Variants in CDH18 observed in about 807,000 individuals in gnomAD.
CDH18 encodes the protein cadherin 18.
Under a neutral mutation model 67.9 loss-of-function variants are expected in CDH18, and 31 were observed. The ratio of observed to expected loss-of-function variants is 0.46; its 90% CI spans 0.34 to 0.62. The LOEUF is 0.62. Among genes scored for constraint, CDH18 ranks in the 20% least tolerant of loss-of-function variants. The pLI is 0.01. For synonymous variants in CDH18, 362 were observed against 347.2 expected, an observed-to-expected ratio of 1.04 and a Z score of -0.48; for missense variants, 890 against 975.5, an observed-to-expected ratio of 0.91 and a Z score of 1.17.
chr5:20,231,459 G>A (rs1204076508), intron 2 of CDH18, among the ~76,000 whole-genome samples: 4 of 151,898 alleles, frequency 2.6e-5, no homozygotes, highest in African/African-American at 9.7e-5. Context: ...AAATTAGCAG[G>A]GTGGGGTGGC....
chr5:20,178,288 A>G (rs889849448), intron 2 of CDH18, among the ~76,000 whole-genome samples: 18 of 152,158 alleles, frequency 1.2e-4, no homozygotes, highest in African/African-American at 4.3e-4. Context: ...CTCAGCCTCG[A>G]CAATCACATA....
At chr5:19,965,925 A>C (rs879723984) in intron 2 of CDH18, among the ~76,000 whole-genome samples, 12 of 152,210 alleles carry the variant, frequency 7.9e-5, no homozygotes, top group Non-Finnish European at 1.6e-4. Flanking sequence ...GTGTGCATGC[A>C]GTACAACAGA....
rs114927227 is a variant in CDH18 at position 19,958,786 on chromosome 5, T to C, written c.-257+22274A>G. Among the ~76,000 whole-genome samples the C allele has an allele frequency of 6.9e-3, 1,056 of 152,088 alleles. 16 individuals carry two copies. The highest frequency in any genetic ancestry group is 0.024 in the African/African-American group (1,007 of 41,474). ...AAGTAACAAACGAGACATGAGAACA[T>C]GTGTGATGTTCCGTGTTGCATCGCA... On this transcript the variant is annotated intron_variant, in intron 2 of 12. Transcript: ENST00000382275.
chr5:19,928,964 T>A (rs939960763), intron 2 of CDH18, among the ~76,000 whole-genome samples: 2 of 144,898 alleles, frequency 1.4e-5, no homozygotes, highest in African/African-American at 4.9e-5. Flanking sequence ...TTTTATTTTA[T>A]TGTTTTTCAG....
intron 3 of CDH18, among the ~76,000 whole-genome samples, chr5:19,781,358 CA>C (rs569621512): frequency 0.035 from 5,227 of 148,966 alleles, 233 homozygotes; most frequent in African/African-American, 0.11. Context: ...CATGTAAGTA[CA>C]AAAAAAAATG....
chr5:19,505,276 G>C (rs1743929289), intron 10 of CDH18, among the ~76,000 whole-genome samples: 1 of 152,054 alleles, frequency 6.6e-6, no homozygotes, highest in African/African-American at 2.4e-5. Flanking sequence ...GGGACAATTT[G>C]ACTTCCTCTT....
chr5:20,103,283 T>C (rs1746630772), intron 2 of CDH18, among the ~76,000 whole-genome samples: 7 of 152,214 alleles, frequency 4.6e-5, no homozygotes, highest in Admixed American at 4.6e-4. Context: ...GAGCTTGAAA[T>C]GCTTTCAAAT....
At chr5:20,315,256 C>G (rs1417254347) in intron 1 of CDH18, among the ~76,000 whole-genome samples, 1 of 151,878 alleles carries the variant, frequency 6.6e-6, no homozygotes, top group Non-Finnish European at 1.5e-5. Context: ...GCTTTATTTC[C>G]AAACTCTATC....
At chr5:20,539,119 C>T (rs1158789390) in intron 1 of CDH18, among the ~76,000 whole-genome samples, 1 of 151,870 alleles carries the variant, frequency 6.6e-6, no homozygotes, top group Non-Finnish European at 1.5e-5. Flanking sequence ...CAACTTCTGA[C>T]CTCAAGTAAT....
intron 2 of CDH18, among the ~76,000 whole-genome samples, chr5:20,077,089 C>G (rs1391852228): frequency 1.3e-5 from 2 of 152,102 alleles, no homozygotes; most frequent in Non-Finnish European, 2.9e-5. Context: ...TGACATTCAT[C>G]TCTCTTGTAA....
intron 2 of CDH18, among the ~76,000 whole-genome samples, chr5:20,227,081 C>T (rs948724111): frequency 6.6e-6 from 1 of 152,052 alleles, no homozygotes; most frequent in African/African-American, 2.4e-5. Flanking sequence ...TCACATTGCA[C>T]AGTTGGTGAG....
intron 5 of CDH18, among the ~76,000 whole-genome samples, chr5:19,687,669 CT>C (rs1761297676): frequency 6.6e-6 from 1 of 152,206 alleles, no homozygotes. Context: ...CTAGACGTCC[CT>C]GTTGGTGCCA....
intron 2 of CDH18, among the ~76,000 whole-genome samples, chr5:20,057,971 A>C (rs575267367): frequency 6.6e-6 from 1 of 152,286 alleles, no homozygotes; most frequent in South Asian, 2.1e-4. Flanking sequence ...ATTATCAAAA[A>C]AGAAAGCCGT....
intron 5 of CDH18, among the ~76,000 whole-genome samples, chr5:19,625,621 T>C (rs1464058105): frequency 6.6e-6 from 1 of 152,180 alleles, no homozygotes; most frequent in African/African-American, 2.4e-5. Context: ...ACGTGGACTT[T>C]TCCCCATATG....
intron 5 of CDH18, among the ~76,000 whole-genome samples, chr5:19,641,993 T>A (rs1180183992): frequency 6.6e-6 from 1 of 151,862 alleles, no homozygotes; most frequent in East Asian, 1.9e-4. Flanking sequence ...ATCTAGTAAA[T>A]TTGCAGGATC....
At chr5:20,257,598 A>G (rs948883342) in intron 1 of CDH18, among the ~76,000 whole-genome samples, 1 of 152,128 alleles carries the variant, frequency 6.6e-6, no homozygotes, top group Non-Finnish European at 1.5e-5. Flanking sequence ...CTGACAAAAG[A>G]AAATTAAGTT....
intron 2 of CDH18, among the ~76,000 whole-genome samples, chr5:20,016,297 A>C (rs567825280): frequency 6.6e-6 from 1 of 152,168 alleles, no homozygotes; most frequent in East Asian, 1.9e-4. Flanking sequence ...AACAACAGAC[A>C]CTGAGACCTT....
chr5:19,737,946 G>A (rs1768572380), intron 4 of CDH18, among the ~76,000 whole-genome samples: 1 of 151,852 alleles, frequency 6.6e-6, no homozygotes, highest in African/African-American at 2.4e-5. Context: ...GTTATTATTA[G>A]GATCTATATA....
intron 1 of CDH18, among the ~76,000 whole-genome samples, chr5:20,356,803 G>A (rs535858505): frequency 5.6e-5 from 8 of 143,492 alleles, no homozygotes; most frequent in South Asian, 2.2e-4. Context: ...CTATGTATGC[G>A]TATATATGTA....
Sources: allele counts gnomAD v4.1 joint callset (sites outside exome capture counted in the v4.1 genomes callset), GRCh38; gene constraint gnomAD v4.1.1; transcripts MANE v1.5; gene names NCBI Gene and HGNC (gene_info 2026-07-23, HGNC 2026-07-21).